Variants in SNX18 observed in about 807,000 individuals in gnomAD.
SNX18 encodes the protein sorting nexin-18.
Under a neutral mutation model 48.7 loss-of-function variants are expected in SNX18, and 35 were observed. The ratio of observed to expected loss-of-function variants is 0.72; its 90% CI spans 0.55 to 0.95. The LOEUF (loss-of-function observed/expected upper bound fraction) is 0.95. Ranked by LOEUF, SNX18 falls within the 40% of genes least tolerant of loss-of-function variation. SNX18 has a pLI of 0.00. For missense variants in SNX18, 824 were observed against 871.0 expected (o/e 0.95, Z 0.68); for synonymous variants, 492 against 384.7 (o/e 1.28, Z -3.26).
At position 54,543,585 on chromosome 5, in the gene SNX18, G is replaced by A; in HGVS notation, c.*153G>A. The A allele has an allele frequency of 1.2e-6, 1 of 819,718 alleles. No individual in the cohort carries two copies. The highest frequency in any genetic ancestry group is 1.9e-6 in the Non-Finnish European group (1 of 525,864). The allele number at this position is 819,718 out of a possible 1,614,324, so 50.8% of individuals were successfully genotyped here. On this transcript the variant is annotated 3_prime_UTR_variant, in exon 2 of 2. Transcript: ENST00000381410. Reference sequence around the variant, plus strand: ...ACCCAGCTGAATTTATAATTATGTAGGAAATAAACAGTTAATATGGTTATA... The same window carrying A: ...ACCCAGCTGAATTTATAATTATGTAAGAAATAAACAGTTAATATGGTTATA...
chr5:54,608,086 G>C, the SNX18 span, among the ~76,000 whole-genome samples: 1 of 152,114 alleles, frequency 6.6e-6, no homozygotes, highest in Non-Finnish European at 1.5e-5. Flanking sequence ...TTTTTAAAGA[G>C]ACTGCCAAAC....
intron 1 of SNX18, among the ~76,000 whole-genome samples, chr5:54,532,307 C>CTTTT (rs35717409): frequency 2.2e-5 from 3 of 137,064 alleles, no homozygotes; most frequent in South Asian, 2.2e-4. Flanking sequence ...TCTATTGTTG[C>CTTTT]TTTTTTTTTT....
At chr5:54,630,649 C>T in the SNX18 span, among the ~76,000 whole-genome samples, 409 of 152,134 alleles carry the variant, frequency 2.7e-3, 4 homozygotes, top group Non-Finnish European at 2.0e-3. Context: ...GCCTGGCCAA[C>T]ATGGTGAAAC....
chr5:54,621,604 A>G, the SNX18 span, among the ~76,000 whole-genome samples: 1 of 152,182 alleles, frequency 6.6e-6, no homozygotes, highest in Non-Finnish European at 1.5e-5. Context: ...ATGTTTCTCA[A>G]CAGGGACCTT....
chr5:54,539,599 C>G (rs2111591343), intron 1 of SNX18, among the ~76,000 whole-genome samples: 1 of 152,200 alleles, frequency 6.6e-6, no homozygotes, highest in East Asian at 1.9e-4. Context: ...ACCTATTTCA[C>G]TTTGCGTCAG....
intron 1 of SNX18, among the ~76,000 whole-genome samples, chr5:54,529,913 T>G (rs1002171538): frequency 6.6e-6 from 1 of 152,232 alleles, no homozygotes; most frequent in Admixed American, 6.5e-5. Flanking sequence ...CTGTAACAAA[T>G]TCCTACAAAC....
intron 1 of SNX18, among the ~76,000 whole-genome samples, chr5:54,540,122 C>T (rs1220022387): frequency 6.6e-6 from 1 of 152,066 alleles, no homozygotes; most frequent in Non-Finnish European, 1.5e-5. Context: ...GATCCTGGGG[C>T]CTCAAAGAGA....
chr5:54,518,927 G>A lies in SNX18; in HGVS notation c.975G>A (p.Glu325=), dbSNP rs1205745368. The change falls in exon 1 of 2, where the codon GAG becomes GAA. Residue 325 remains glutamate, a synonymous_variant. Coordinates refer to ENST00000381410, the MANE Select transcript of SNX18 (RefSeq NM_001102575.2). ...HFDWLYARLA[E]KFPVISVPHL... ...ACTGGCTGTACGCGCGCCTGGCGGA[G>A]AAGTTCCCGGTCATCTCCGTGCCCC... 7 of 1,613,778 alleles carry A rather than the reference G, an allele frequency of 4.3e-6. No homozygotes were observed. The highest frequency in any genetic ancestry group is 5.9e-6 in the Non-Finnish European group (7 of 1,180,050).
chr5:54,596,797 T>A, the SNX18 span, among the ~76,000 whole-genome samples: 1 of 152,230 alleles, frequency 6.6e-6, no homozygotes, highest in Non-Finnish European at 1.5e-5. Flanking sequence ...TGAGGGAACC[T>A]GCAGTAGGAA....
At chr5:54,579,904 T>C in the SNX18 span, among the ~76,000 whole-genome samples, 1 of 152,212 alleles carries the variant, frequency 6.6e-6, no homozygotes. Context: ...ATATAGGAGT[T>C]GAACCAAAAA....
At chr5:54,589,018 A>G in the SNX18 span, among the ~76,000 whole-genome samples, 2 of 152,118 alleles carry the variant, frequency 1.3e-5, no homozygotes, top group African/African-American at 4.8e-5. Flanking sequence ...TTGTCTTTAA[A>G]CCACTATGAT....
At chr5:54,563,633 T>A in the SNX18 span, among the ~76,000 whole-genome samples, 1 of 152,206 alleles carries the variant, frequency 6.6e-6, no homozygotes, top group Non-Finnish European at 1.5e-5. Flanking sequence ...CATGACTGTA[T>A]GTTTTCAGTC....
chr5:54,528,124 A>C (rs762689332), intron 1 of SNX18, among the ~76,000 whole-genome samples: 1 of 134,366 alleles, frequency 7.4e-6, no homozygotes, highest in African/African-American at 2.8e-5. Context: ...AAACTTACGC[A>C]TGCATACACG....
intron 1 of SNX18, among the ~76,000 whole-genome samples, chr5:54,525,190 A>G (rs145985125): frequency 1.3e-5 from 2 of 152,338 alleles, no homozygotes. Flanking sequence ...TAAATGTTAT[A>G]GTTCATAGTA....
At chr5:54,630,724 C>T in the SNX18 span, among the ~76,000 whole-genome samples, 1 of 151,354 alleles carries the variant, frequency 6.6e-6, no homozygotes, top group Non-Finnish European at 1.5e-5. Context: ...ATCCCAGTTA[C>T]TCTGGAGGCT....
At chr5:54,576,756 A>G in the SNX18 span, among the ~76,000 whole-genome samples, 4 of 150,796 alleles carry the variant, frequency 2.7e-5, no homozygotes, top group Non-Finnish European at 5.9e-5. Flanking sequence ...TTTATTTGGC[A>G]TAAAGCAAGT....
the SNX18 span, among the ~76,000 whole-genome samples, chr5:54,573,698 A>ATCAG: frequency 2.0e-5 from 3 of 152,192 alleles, no homozygotes. Flanking sequence ...GACACCCCAC[A>ATCAG]GAAGACACAT....
the SNX18 span, among the ~76,000 whole-genome samples, chr5:54,636,117 C>T: frequency 1.4e-4 from 21 of 152,266 alleles, no homozygotes; most frequent in South Asian, 1.0e-3. Flanking sequence ...GGCCCACTCA[C>T]GTCTTTGTTC....
At chr5:54,619,086 G>A in the SNX18 span, among the ~76,000 whole-genome samples, 1 of 152,190 alleles carries the variant, frequency 6.6e-6, no homozygotes, top group Non-Finnish European at 1.5e-5. Context: ...AGCTGACACT[G>A]ACACTGTGGT....
Sources: gnomAD v4.1 joint callset for allele counts (sites outside exome capture counted in the v4.1 genomes callset) on GRCh38, gnomAD v4.1.1 for gene constraint, MANE v1.5 for transcripts, NCBI Gene and HGNC (gene_info 2026-07-23, HGNC 2026-07-21) for gene names.